The following CCNY variants were observed in gnomAD, a reference collection of about 807,000 sequenced individuals.
CCNY encodes the protein cyclin-Y.
In CCNY, 19 loss-of-function variants were observed where a neutral mutation model predicts 42.8. That is an observed-to-expected ratio of 0.44 (90% CI 0.31 to 0.65). The LOEUF is 0.65. CCNY is among the 30% of genes least tolerant of loss of function. CCNY has a pLI of 0.07. For synonymous variants in CCNY, 165 were observed against 162.7 expected (o/e 1.01, Z -0.11); for missense variants, 370 against 437.3 (o/e 0.85, Z 1.37).
intron 1 of CCNY, among the ~76,000 whole-genome samples, chr10:35,404,941 A>G (rs1837725090): frequency 6.6e-6 from 1 of 152,128 alleles, no homozygotes; most frequent in African/African-American, 2.4e-5. Flanking sequence ...AAGCGAAGAG[A>G]GGCTGGTATG....
chr10:35,458,278 C>T (rs191900635), intron 1 of CCNY, among the ~76,000 whole-genome samples: 5 of 152,308 alleles, frequency 3.3e-5, no homozygotes, highest in Middle Eastern at 3.4e-3. Flanking sequence ...ATGACTTGGC[C>T]CTTTCCCTCT....
At chr10:35,330,756 AT>A (rs1247357767) in intron 3 of CCNY, among the ~76,000 whole-genome samples, 33,122 of 142,542 alleles carry the variant, frequency 0.23, 3,562 homozygotes, top group East Asian at 0.29. Flanking sequence ...GGCAGCTTTT[AT>A]TTTTTTTTTT....
chr10:35,565,267 C>T (rs1000032177), intron 8 of CCNY, among the ~76,000 whole-genome samples: 1 of 152,126 alleles, frequency 6.6e-6, no homozygotes, highest in African/African-American at 2.4e-5. Context: ...TTGAGTGGTT[C>T]TCAGAGTGTG....
chr10:35,447,753 G>C (rs1300718931), intron 1 of CCNY, among the ~76,000 whole-genome samples: 1 of 152,152 alleles, frequency 6.6e-6, no homozygotes, highest in Non-Finnish European at 1.5e-5. Flanking sequence ...GGCTTCCTGT[G>C]ATTTCTGTTC....
At chr10:35,501,626 G>T in intron 3 of CCNY, 91 bp downstream of exon 3, 1 of 1,096,696 alleles carries the variant, frequency 9.1e-7, no homozygotes, top group Admixed American at 1.7e-5. Flanking sequence ...AATGGCTCAT[G>T]TGCTTTGTAG....
intron 1 of CCNY, among the ~76,000 whole-genome samples, chr10:35,344,919 G>T (rs1367595595): frequency 6.6e-6 from 1 of 152,138 alleles, no homozygotes; most frequent in Non-Finnish European, 1.5e-5. Flanking sequence ...CATTTTTTAT[G>T]GCTGCATAGT....
At chr10:35,478,160 C>G (rs1206607815) in intron 1 of CCNY, among the ~76,000 whole-genome samples, 5 of 147,486 alleles carry the variant, frequency 3.4e-5, no homozygotes, top group African/African-American at 1.2e-4. Flanking sequence ...AATGGAAGAA[C>G]ATTCCATGCT....
chr10:35,315,167 C>A (rs1164583423), intron 3 of CCNY: 1 of 152,184 alleles, frequency 6.6e-6, no homozygotes, highest in Admixed American at 6.6e-5. Flanking sequence ...AGGTAAACTT[C>A]TGTCATGAGG....
At chr10:35,484,513 A>G (rs1839742710) in intron 2 of CCNY, among the ~76,000 whole-genome samples, 1 of 152,204 alleles carries the variant, frequency 6.6e-6, no homozygotes, top group Non-Finnish European at 1.5e-5. Flanking sequence ...AGGTTGGTGC[A>G]AAAGTAATTT....
At chr10:35,260,256 A>G (rs1396566225) in intron 3 of CCNY, among the ~76,000 whole-genome samples, 1 of 152,194 alleles carries the variant, frequency 6.6e-6, no homozygotes, top group African/African-American at 2.4e-5. Context: ...AGACAGGACC[A>G]CAGGGAGAAA....
chr10:35,490,696 C>T (rs1839878401), intron 2 of CCNY, among the ~76,000 whole-genome samples: 1 of 152,214 alleles, frequency 6.6e-6, no homozygotes, highest in South Asian at 2.1e-4. Flanking sequence ...AAGAAGCCTC[C>T]AGGTTGTGCC....
Position 35,484,255 on chromosome 10 carries a change from A to T in CCNY, c.229+777A>T, listed in dbSNP as rs1217644698. Among the ~76,000 whole-genome samples, 2 of 152,240 alleles carry T rather than the reference A, an allele frequency of 1.3e-5. 1 individual carries two copies. The highest frequency in any genetic ancestry group is 1.3e-4 in the Admixed American group (2 of 15,288). ...ATCCCTAACTTTTTGGGCAATTGCT[A>T]AGCTTTAATTCAGAGAAGATCCTAA... On this transcript the variant is annotated intron_variant, in intron 2 of 9. Coordinates refer to ENST00000374704, the MANE Select transcript of CCNY (RefSeq NM_145012.6).
At chr10:35,437,620 C>T (rs572386347) in intron 1 of CCNY, among the ~76,000 whole-genome samples, 1 of 152,124 alleles carries the variant, frequency 6.6e-6, no homozygotes, top group African/African-American at 2.4e-5. Context: ...CACCACTACG[C>T]TCCAGCACTC....
intron 1 of CCNY, among the ~76,000 whole-genome samples, chr10:35,452,958 T>G (rs1838951300): frequency 6.6e-6 from 1 of 152,150 alleles, no homozygotes; most frequent in Non-Finnish European, 1.5e-5. Flanking sequence ...GGTGACATTG[T>G]CTAGAACATT....
chr10:35,274,172 C>T (rs536821281), intron 3 of CCNY, among the ~76,000 whole-genome samples: 5 of 152,216 alleles, frequency 3.3e-5, no homozygotes, highest in African/African-American at 1.2e-4. Flanking sequence ...AGCAAAGGCA[C>T]GTCTTACATG....
At chr10:35,396,303 C>T (rs1278076591) in intron 1 of CCNY, among the ~76,000 whole-genome samples, 7 of 152,212 alleles carry the variant, frequency 4.6e-5, no homozygotes, top group Non-Finnish European at 7.3e-5. Flanking sequence ...TTCATTCTCA[C>T]ACCTTCCCAA....
intron 1 of CCNY, among the ~76,000 whole-genome samples, chr10:35,453,831 A>G (rs1838972203): frequency 6.6e-6 from 1 of 152,204 alleles, no homozygotes; most frequent in South Asian, 2.1e-4. Flanking sequence ...TTTTTAAACT[A>G]AGACCTATAG....
chr10:35,260,117 C>T (rs12243593), intron 3 of CCNY, among the ~76,000 whole-genome samples: 55,543 of 151,802 alleles, frequency 0.37, 10,659 homozygotes, highest in African/African-American at 0.49. Flanking sequence ...TGTTCTTTTC[C>T]GGTGCTCTCT....
chr10:35,318,636 C>G (rs1835787417), intron 3 of CCNY, among the ~76,000 whole-genome samples: 1 of 152,032 alleles, frequency 6.6e-6, no homozygotes, highest in South Asian at 2.1e-4. Context: ...ATATGTTTCC[C>G]TTTGGTAATA....
Sources: gnomAD v4.1 joint callset for allele counts (sites outside exome capture counted in the v4.1 genomes callset) on GRCh38, gnomAD v4.1.1 for gene constraint, MANE v1.5 for transcripts, NCBI Gene and HGNC (gene_info 2026-07-23, HGNC 2026-07-21) for gene names.